The following RIC1 variants were observed in gnomAD, a reference collection of about 807,000 sequenced individuals.
RIC1 encodes RIC1 partner of RAB6A GEF complex, also known as guanine nucleotide exchange factor subunit RIC1.
A neutral mutation model predicts 169.0 loss-of-function variants in RIC1; 88 were observed. That is an observed-to-expected ratio of 0.52 (90% CI 0.44 to 0.62). The LOEUF is 0.62. Ranked by LOEUF, RIC1 falls within the 20% of genes least tolerant of loss-of-function variation. RIC1 has a pLI of 0.00. For synonymous variants in RIC1, 790 were observed against 601.5 expected, an observed-to-expected ratio of 1.31 and a Z score of -4.59; for missense variants, 1,877 against 1,725.5, an observed-to-expected ratio of 1.09 and a Z score of -1.56.
intron 23 of RIC1, among the ~76,000 whole-genome samples, chr9:5,772,279 G>A (rs1010554448): frequency 2.6e-5 from 4 of 152,148 alleles, no homozygotes; most frequent in African/African-American, 9.7e-5. Context: ...GTAGCTGAAT[G>A]TAAAGACTTG....
At chr9:5,669,889 C>T (rs970425541) in intron 2 of RIC1, among the ~76,000 whole-genome samples, 1 of 152,138 alleles carries the variant, frequency 6.6e-6, no homozygotes, top group African/African-American at 2.4e-5. Flanking sequence ...TCAGACATCA[C>T]TTAGGGGAGA....
chr9:5,655,617 T>G (rs964190085), intron 1 of RIC1, among the ~76,000 whole-genome samples: 2 of 152,114 alleles, frequency 1.3e-5, no homozygotes, highest in African/African-American at 4.8e-5. Flanking sequence ...AGCGTTTTTA[T>G]CTTGGTTGTT....
intron 2 of RIC1, among the ~76,000 whole-genome samples, chr9:5,679,254 A>G (rs1045251581): frequency 5.3e-5 from 8 of 152,292 alleles, no homozygotes; most frequent in African/African-American, 1.9e-4. Flanking sequence ...CTTATAGTAT[A>G]GTTTGAAGTC....
intron 2 of RIC1, among the ~76,000 whole-genome samples, chr9:5,660,668 T>C (rs572814916): frequency 2.9e-4 from 44 of 152,356 alleles, no homozygotes; most frequent in African/African-American, 9.1e-4. Flanking sequence ...GAAGTGTCTG[T>C]TCATGTCCTT....
chr9:5,727,651 C>G (rs1203894559), intron 6 of RIC1, among the ~76,000 whole-genome samples: 3 of 152,308 alleles, frequency 2.0e-5, no homozygotes, highest in Admixed American at 6.5e-5. Context: ...CTTTTCTGCT[C>G]TGGTTTCTCC....
rs767898260 is a variant in RIC1 at position 5,773,977 on chromosome 9, T to G, written c.4003T>G (p.Leu1335Val). The change falls in exon 26 of 26, where the codon TTA (leucine) becomes GTA (valine). Residue 1335 changes from leucine to valine, a missense_variant. Leu to Val is a conservative substitution (Grantham distance 32). This residue lies in a region of RIC1 where 681 missense variants were observed against 582.0 expected (regional missense o/e 1.17). Transcript: ENST00000414202. ...STDCPGYKPF[L>V]NIIKPQLQKL... The stretch of plus-strand genomic sequence containing the variant: ...ACATAGTCCTGGATATAAGCCATTT[T>G]TAAACATCATTAAGCCACAACTGCA... 3.1e-6 allele frequency: 5 copies of G among 1,606,130 alleles called. 1 individual carries two copies. The South Asian group carries it at 5.5e-5, about 18-fold the overall frequency.
rs1367791493 is a variant in RIC1, at chr9:5,774,039, A to G, written c.4065A>G (p.Pro1355=). 6.2e-7 allele frequency: 1 copy of G among 1,613,986 alleles called. No homozygotes were observed. Among genetic ancestry groups the G allele is most frequent in the African/African-American group, 1.3e-5 (1 of 74,930 alleles). The change falls in exon 26 of 26, where the codon CCA becomes CCG. Residue 1355 remains proline (P), a synonymous_variant. Coordinates refer to ENST00000414202, the MANE Select transcript of RIC1 (RefSeq NM_020829.4). ...LSEITEEQVQ[P]DAFQPITMGK... is the part of the protein sequence containing the mutation. ...AGATAACAGAAGAGCAGGTCCAGCC[A>G]GATGCCTTCCAACCAATAACTATGG...
chr9:5,716,105 A>C (rs189555276), intron 4 of RIC1, among the ~76,000 whole-genome samples: 1 of 152,134 alleles, frequency 6.6e-6, no homozygotes, highest in Admixed American at 6.5e-5. Context: ...TGGCCTCTCA[A>C]AGTGCTGGGA....
At chr9:5,705,071 A>C (rs919389632) in intron 3 of RIC1, among the ~76,000 whole-genome samples, 1 of 152,038 alleles carries the variant, frequency 6.6e-6, no homozygotes, top group Admixed American at 6.5e-5. Context: ...GTAGCTTTGC[A>C]GTAGGTTTTG....
rs551866162 is a variant in RIC1, at chr9:5,659,916, G to A, written c.252+3226G>A. Among the ~76,000 whole-genome samples, 124 of 152,056 alleles carry A rather than the reference G, an allele frequency of 8.2e-4. 1 individual carries two copies. The highest frequency in any genetic ancestry group is 1.6e-3 in the Non-Finnish European group (112 of 67,996). On this transcript the variant is annotated intron_variant, in intron 2 of 25. Coordinates refer to ENST00000414202, the MANE Select transcript of RIC1 (RefSeq NM_020829.4). ...GCATAGGTAAACATGTGCTATGGTG[G>A]TTTCCTTGCACAGATTATGCCATCA... is the stretch of plus-strand genomic sequence containing the variant.
intron 12 of RIC1, chr9:5,748,768 C>G (rs1441594683): frequency 6.6e-6 from 1 of 152,596 alleles, no homozygotes; most frequent in Non-Finnish European, 1.5e-5. Flanking sequence ...GAATTTCCTT[C>G]CAGCTCAAAA....
At chr9:5,654,612 T>C (rs1818981698) in intron 1 of RIC1, among the ~76,000 whole-genome samples, 1 of 152,164 alleles carries the variant, frequency 6.6e-6, no homozygotes, top group South Asian at 2.1e-4. Context: ...CAGTCTCAGC[T>C]CACTGCAACC....
chr9:5,765,688 G>T lies in RIC1; in HGVS notation c.3027G>T (p.Glu1009Asp). 1 of 1,614,154 alleles carries T rather than the reference G, an allele frequency of 6.2e-7. No homozygotes were observed. Among genetic ancestry groups the T allele is most frequent in the Non-Finnish European group, 8.5e-7 (1 of 1,180,012 alleles). ...AQEPSSSGGF[E>D]FFRNRSISLS... Reference sequence around the variant, plus strand: ...AACCCAGTTCAAGTGGTGGATTTGAGTTCTTCAGGAATCGAAGCATCAGTT... The same window carrying T: ...AACCCAGTTCAAGTGGTGGATTTGATTTCTTCAGGAATCGAAGCATCAGTT... The change falls in exon 21 of 26, where the codon GAG becomes GAT. Residue 1009 changes from glutamate (E) to aspartate (D), a missense_variant. Physicochemically the swap from Glu to Asp is conservative, Grantham distance 45. Transcript: ENST00000414202.
chr9:5,721,070 G>A (rs1034821070), intron 6 of RIC1, among the ~76,000 whole-genome samples: 1 of 151,904 alleles, frequency 6.6e-6, no homozygotes, highest in African/African-American at 2.4e-5. Context: ...TTAGTTCTTA[G>A]GCTGTGTTTA....
At chr9:5,673,074 T>C (rs1181349527) in intron 2 of RIC1, among the ~76,000 whole-genome samples, 1 of 152,174 alleles carries the variant, frequency 6.6e-6, no homozygotes, top group African/African-American at 2.4e-5. Flanking sequence ...ATGTAACTAA[T>C]TCCTAGGTTA....
rs1358086961 is a variant in RIC1 at position 5,747,436 on chromosome 9, T to G, written c.1383T>G (p.Phe461Leu). Residue 461 changes from phenylalanine (F) to leucine (L), a missense_variant, in exon 12 of 26, where the codon TTT becomes TTG. By Grantham distance (22) the Phe-to-Leu change is conservative. Around this residue, in one of 3 missense-constraint regions of RIC1, gnomAD observed 1,104 missense variants for 992.0 expected, o/e 1.11. Transcript: ENST00000414202. Reference sequence around the variant, plus strand: ...AGCCCAGTCGAGAAAAGAGCCCATTTGCAGATGGAGGTTTAGAGTCTCAGG... The same window carrying G: ...AGCCCAGTCGAGAAAAGAGCCCATTGGCAGATGGAGGTTTAGAGTCTCAGG... ...EHKPSREKSP[F>L]ADGGLESQGL... is the part of the protein sequence containing the mutation. 6.2e-7 allele frequency: 1 copy of G among 1,614,134 alleles called. No individual in the cohort carries two copies. The highest frequency in any genetic ancestry group is 8.5e-7 in the Non-Finnish European group (1 of 1,179,948).
chr9:5,670,982 C>T (rs1820055866), intron 2 of RIC1, among the ~76,000 whole-genome samples: 1 of 152,058 alleles, frequency 6.6e-6, no homozygotes, highest in Admixed American at 6.6e-5. Flanking sequence ...CCACGTGGAG[C>T]CCTCCGCCGT....
At chr9:5,746,927 C>A (rs1825411672) in intron 11 of RIC1, among the ~76,000 whole-genome samples, 1 of 152,112 alleles carries the variant, frequency 6.6e-6, no homozygotes, top group Non-Finnish European at 1.5e-5. Context: ...TTCTCCCTCC[C>A]CTTCCCCATC....
intron 1 of RIC1, among the ~76,000 whole-genome samples, chr9:5,639,760 G>A (rs1818145955): frequency 6.6e-6 from 1 of 152,156 alleles, no homozygotes; most frequent in South Asian, 2.1e-4. Flanking sequence ...ATATCTGGGT[G>A]TGTTGGGTGC....
Sources: gnomAD v4.1 joint callset for allele counts (sites outside exome capture counted in the v4.1 genomes callset) on GRCh38, gnomAD v4.1.1 for gene constraint, gnomAD v4.1.1 regional missense constraint, MANE v1.5 for transcripts, NCBI Gene and HGNC (gene_info 2026-07-23, HGNC 2026-07-21) for gene names.